The following LAMA4 variants were observed in gnomAD, a reference collection of about 807,000 sequenced individuals.
LAMA4 encodes the protein laminin subunit alpha 4, also known as laminin subunit alpha-4.
A neutral mutation model predicts 207.1 loss-of-function variants in LAMA4; 127 were observed. The ratio of observed to expected loss-of-function variants is 0.61; its 90% CI spans 0.53 to 0.71. LAMA4 has a LOEUF of 0.71. Ranked by LOEUF, LAMA4 falls within the 30% of genes least tolerant of loss-of-function variation. The pLI, the probability that LAMA4 is intolerant of heterozygous loss-of-function variation, is 0.00. For missense variants in LAMA4, 2,093 were observed against 2,246.5 expected, an observed-to-expected ratio of 0.93 and a Z score of 1.38; for synonymous variants, 761 against 816.0, an observed-to-expected ratio of 0.93 and a Z score of 1.15.
intron 19 of LAMA4, among the ~76,000 whole-genome samples, chr6:112,143,446 A>G (rs1449052006): frequency 6.6e-6 from 1 of 152,060 alleles, no homozygotes. Flanking sequence ...CACCACGCCC[A>G]GCCAATTTTT....
intron 6 of LAMA4, 97 bp downstream of exon 6, chr6:112,191,534 GGCACT>G: frequency 1.2e-6 from 1 of 827,302 alleles, no homozygotes; most frequent in Non-Finnish European, 2.0e-6. Flanking sequence ...GTGACAAGGG[GGCACT>G]CACAATACTT....
In LAMA4 at chr6:112,142,249, A is replaced by C; in HGVS notation, c.2537T>G (p.Val846Gly). 1 of 1,614,096 alleles carries C rather than the reference A, an allele frequency of 6.2e-7. No individual in the cohort carries two copies. The highest frequency in any genetic ancestry group is 1.1e-5 in the South Asian group (1 of 91,078). Residue 846 changes from valine to glycine, a missense_variant, in exon 20 of 39, where the codon GTG (valine) becomes GGG (glycine). Physicochemically the swap from Val to Gly is moderately radical, Grantham distance 109. Around this residue, in one of 3 missense-constraint regions of LAMA4, gnomAD observed 1,704 missense variants for 1,788.4 expected, o/e 0.95. Transcript: ENST00000230538. ...MMFDGQSAVE[V>G]HSRTSMDDLK... Reference sequence around the variant, plus strand: ...GTCATCCATACTGGTTCTCGAGTGCACTTCCACAGCTGACTGGCCATCAAA... The same window carrying C: ...GTCATCCATACTGGTTCTCGAGTGCCCTTCCACAGCTGACTGGCCATCAAA...
At chr6:112,207,273 G>A in intron 3 of LAMA4, 128 bp from the exon 4 acceptor site, 1 of 1,009,382 alleles carries the variant, frequency 9.9e-7, no homozygotes, top group Non-Finnish European at 1.5e-6. Flanking sequence ...ACTGTATGCG[G>A]CAGTACAGAT....
intron 32 of LAMA4, among the ~76,000 whole-genome samples, chr6:112,120,795 G>A (rs1428192530): frequency 1.3e-5 from 2 of 152,164 alleles, no homozygotes; most frequent in Non-Finnish European, 2.9e-5. Context: ...TATAATCCCA[G>A]CAATTTGGGA....
At chr6:112,217,606 T>C (rs1784701398) in intron 2 of LAMA4, 1 of 151,960 alleles carries the variant, frequency 6.6e-6, no homozygotes, top group Admixed American at 6.6e-5. Context: ...TAAACACCAT[T>C]CACAGTATTT....
At position 112,254,066 on chromosome 6, in the gene LAMA4, C is replaced by G. The variant is rs150662822; in HGVS notation, c.85G>C (p.Asp29His). 4.6e-4 allele frequency: 742 copies of G among 1,609,348 alleles called. 18 individuals carry two copies. The South Asian group carries it at 7.8e-3, about 17-fold the overall frequency. Residue 29 changes from aspartate to histidine, a missense_variant, in exon 2 of 39, where the codon GAC (aspartate) becomes CAC (histidine). By Grantham distance (81) the Asp-to-His change is moderately conservative (BLOSUM62 -1). Transcript: ENST00000230538. ...TCAATGTCAAAAGGAAAAGCGTTGT[C>G]GTCCCCGGACGCGGCGCGGGAGCAG... ...AACSRAASGD[D>H]NAFPFDIEGS...
chr6:112,159,017 A>G, intron 13 of LAMA4, 137 bp from the exon 14 acceptor site: 1 of 666,888 alleles, frequency 1.5e-6, no homozygotes, highest in Non-Finnish European at 2.6e-6. Context: ...TAAGTCTAAA[A>G]TACTGTAAGT....
chr6:112,127,131 T>C (rs1778742310), intron 31 of LAMA4, among the ~76,000 whole-genome samples: 1 of 152,188 alleles, frequency 6.6e-6, no homozygotes, highest in South Asian at 2.1e-4. Context: ...ACACCTATTA[T>C]ATGCATTGTT....
Position 112,120,312 on chromosome 6 carries a change from C to T in LAMA4, c.4636G>A (p.Glu1546Lys), listed in dbSNP as rs1456861210. 2.5e-6 allele frequency: 4 copies of T among 1,613,770 alleles called. No individual in the cohort carries two copies. The highest frequency in any genetic ancestry group is 2.5e-6 in the Non-Finnish European group (3 of 1,179,992). The stretch of plus-strand genomic sequence containing the variant: ...TGCCACAGGCCATCATTGTATTTCT[C>T]CTGGCTTCTAATCTTCAGTTTTTTG... ...GHKKLKIRSQ[E>K]KYNDGLWHDV... is the part of the protein sequence containing the mutation. The change falls in exon 33 of 39, where the codon GAG becomes AAG. Residue 1546 changes from glutamate (E) to lysine (K), a missense_variant. Physicochemically the swap from Glu to Lys is moderately conservative, Grantham distance 56 (BLOSUM62 1). Around this residue, in one of 3 missense-constraint regions of LAMA4, gnomAD observed 383 missense variants for 437.8 expected, o/e 0.87. Coordinates refer to ENST00000230538, the MANE Select transcript of LAMA4 (RefSeq NM_001105206.3).
chr6:112,117,987 A>G lies in LAMA4; in HGVS notation c.4822-89T>C, dbSNP rs1049410565. On this transcript the variant is annotated intron_variant, in intron 34 of 38. Coordinates refer to ENST00000230538, the MANE Select transcript of LAMA4 (RefSeq NM_001105206.3). The surrounding 1 kb of genome is among the most constrained non-coding windows in gnomAD (Gnocchi z 4.5). Reference sequence around the variant, plus strand: ...AATGAGGGGGTTTGAGTCCTGAAGGAACCCACGTAATTCCTTGTTTCATTT... The same window carrying G: ...AATGAGGGGGTTTGAGTCCTGAAGGGACCCACGTAATTCCTTGTTTCATTT... 4 of 1,024,452 alleles carry G rather than the reference A, an allele frequency of 3.9e-6. No homozygotes were observed. The highest frequency in any genetic ancestry group is 1.8e-5 in the Admixed American group (1 of 56,508). The allele number at this position is 1,024,452 out of a possible 1,614,324, so 63.5% of individuals were successfully genotyped here.
chr6:112,195,048 A>G (rs1783331830), intron 5 of LAMA4, among the ~76,000 whole-genome samples: 1 of 152,156 alleles, frequency 6.6e-6, no homozygotes, highest in South Asian at 2.1e-4. Flanking sequence ...AAACTGTTTC[A>G]GGAATGCTTG....
At chr6:112,134,107 G>GAT (rs2114663640) in intron 26 of LAMA4, among the ~76,000 whole-genome samples, 1 of 152,280 alleles carries the variant, frequency 6.6e-6, no homozygotes, top group African/African-American at 2.4e-5. Flanking sequence ...AGATGCTATT[G>GAT]GAGAGTTCAA....
At chr6:112,173,881 C>T (rs2345807) in intron 11 of LAMA4, among the ~76,000 whole-genome samples, 65,913 of 151,978 alleles carry the variant, frequency 0.43, 15,049 homozygotes, top group Middle Eastern at 0.59. Context: ...TTCTAAAATG[C>T]ATACAATAAA....
chr6:112,127,000 A>G (rs1323675116), intron 31 of LAMA4, among the ~76,000 whole-genome samples: 1 of 152,178 alleles, frequency 6.6e-6, no homozygotes, highest in East Asian at 1.9e-4. Flanking sequence ...AGATATAACC[A>G]CTAATATTCA....
At chr6:112,142,370 G>T in intron 19 of LAMA4, 78 bp from the exon 20 acceptor site, 1 of 1,305,212 alleles carries the variant, frequency 7.7e-7, no homozygotes, top group Non-Finnish European at 1.1e-6. Context: ...CCTCATTCGT[G>T]ACAGGGGCCT....
At chr6:112,112,548 T>C (rs1554321938) in intron 38 of LAMA4, among the ~76,000 whole-genome samples, 1 of 152,222 alleles carries the variant, frequency 6.6e-6, no homozygotes, top group African/African-American at 2.4e-5. Context: ...TGAGACTTTT[T>C]CATGCTGCAC....
chr6:112,246,710 C>CG (rs536645966), intron 2 of LAMA4, among the ~76,000 whole-genome samples: 111 of 152,132 alleles, frequency 7.3e-4, no homozygotes, highest in African/African-American at 2.1e-3. Context: ...TTAGTAGAGG[C>CG]GGGGTCTCAC....
chr6:112,140,208 A>T (rs1170769050), intron 22 of LAMA4, among the ~76,000 whole-genome samples: 1 of 152,200 alleles, frequency 6.6e-6, no homozygotes, highest in African/African-American at 2.4e-5. Flanking sequence ...GAGGGAAAAT[A>T]ATTCTCAGAT....
intron 15 of LAMA4, 78 bp downstream of exon 15, chr6:112,155,487 A>G: frequency 6.7e-7 from 1 of 1,500,048 alleles, no homozygotes; most frequent in Non-Finnish European, 9.3e-7. Flanking sequence ...TTCACACTGG[A>G]AGTTCAAGAG....
Sources: gnomAD v4.1 joint callset for allele counts (sites outside exome capture counted in the v4.1 genomes callset) on GRCh38, gnomAD v4.1.1 for gene constraint, gnomAD v4.1.1 regional missense constraint, Gnocchi (gnomAD v3.1) non-coding constraint, MANE v1.5 for transcripts, NCBI Gene and HGNC (gene_info 2026-07-23, HGNC 2026-07-21) for gene names.